The following ADGRD1 variants were observed in gnomAD, a reference collection of about 807,000 sequenced individuals.
The protein encoded by ADGRD1 is G-protein coupled receptor 133.
Under a neutral mutation model 113.4 loss-of-function variants are expected in ADGRD1, and 77 were observed. That is an observed-to-expected ratio of 0.68 (90% CI 0.57 to 0.82). The LOEUF (loss-of-function observed/expected upper bound fraction) is 0.82, where lower values mean the gene tolerates loss of function less well. ADGRD1 is among the 40% of genes least tolerant of loss of function. The probability of loss-of-function intolerance (pLI) is 0.00; values close to 1 mark genes in which losing one functional copy is unlikely to be tolerated. For missense variants in ADGRD1, 1,036 were observed against 1,139.1 expected, an observed-to-expected ratio of 0.91 and a Z score of 1.30; for synonymous variants, 474 against 475.0, an observed-to-expected ratio of 1.00 and a Z score of 0.03.
chr12:131,104,658 C>T (rs1950187965), intron 15 of ADGRD1, among the ~76,000 whole-genome samples, 173 bp from the exon 16 acceptor site: 7 of 152,112 alleles, frequency 4.6e-5, no homozygotes, highest in Admixed American at 4.6e-4. Context: ...GCTGCAACCC[C>T]AGCACCGGCC....
At chr12:131,031,531 G>A (rs1030639838) in intron 13 of ADGRD1, among the ~76,000 whole-genome samples, 2 of 152,108 alleles carry the variant, frequency 1.3e-5, no homozygotes, top group South Asian at 2.1e-4. Flanking sequence ...TGCGTTTGTC[G>A]GTGGTTTTCC....
At chr12:131,004,024 T>C (rs912784280) in intron 10 of ADGRD1, among the ~76,000 whole-genome samples, 162 bp from the exon 11 acceptor site, 22 of 67,928 alleles carry the variant, frequency 3.2e-4, no homozygotes, top group Non-Finnish European at 6.1e-4. Flanking sequence ...TGCTTTACCC[T>C]TTTTTTTTTT....
At chr12:131,070,681 G>T in intron 13 of ADGRD1, 1 of 386,208 alleles carries the variant, frequency 2.6e-6, no homozygotes, top group Admixed American at 2.8e-5. Context: ...AGGAAAGCTG[G>T]TTGCCACGGA....
chr12:131,058,038 C>A (rs370238455), intron 13 of ADGRD1, among the ~76,000 whole-genome samples: 1 of 152,338 alleles, frequency 6.6e-6, no homozygotes, highest in Non-Finnish European at 1.5e-5. Context: ...AAGCAGACAG[C>A]AACTTCCTAG....
rs1186828779 is a variant in ADGRD1, at chr12:131,098,601, G to A, written c.1672-6230G>A. On this transcript the variant is annotated intron_variant, in intron 15 of 24. Coordinates refer to ENST00000261654, the MANE Select transcript of ADGRD1 (RefSeq NM_198827.5). ...CAGTGGTGAGAAGCCAGCAGGACTC[G>A]GAGGTGGGTGCTCCAAGGGAGAGGG... is the stretch of plus-strand genomic sequence containing the variant. Among the ~76,000 whole-genome samples the A allele has an allele frequency of 2.6e-5, 4 of 152,116 alleles. No individual in the cohort carries two copies. The South Asian group carries it at 6.2e-4, about 24-fold the overall frequency.
intron 9 of ADGRD1, among the ~76,000 whole-genome samples, chr12:131,000,766 G>C (rs1409843175): frequency 9.0e-6 from 1 of 110,796 alleles, no homozygotes; most frequent in Non-Finnish European, 1.9e-5. Flanking sequence ...AAAAAAAAAA[G>C]AGAGAGAGAG....
At chr12:131,070,704 T>G (rs891202251) in intron 13 of ADGRD1, 15 of 437,754 alleles carry the variant, frequency 3.4e-5, no homozygotes, top group African/African-American at 3.0e-4. Flanking sequence ...TGAGGGCGTG[T>G]CCATCACTGC....
intron 13 of ADGRD1, among the ~76,000 whole-genome samples, chr12:131,073,406 C>T (rs1490607261): frequency 1.3e-5 from 2 of 152,246 alleles, no homozygotes; most frequent in Non-Finnish European, 2.9e-5. Context: ...GAGGGTGGCA[C>T]AGAGGGCTGC....
rs564565309 is a variant in ADGRD1, at chr12:131,104,236, G to C, written c.1672-595G>C. On this transcript the variant is annotated intron_variant, in intron 15 of 24. Coordinates refer to ENST00000261654, the MANE Select transcript of ADGRD1 (RefSeq NM_198827.5). ...GACTGGGAGGGTTGTGGCCTCAGGCGGGGGCGGTAGCCAGCTCTTCCCTAG... is the reference window on the plus strand; with the variant it reads ...GACTGGGAGGGTTGTGGCCTCAGGCCGGGGCGGTAGCCAGCTCTTCCCTAG... Among the ~76,000 whole-genome samples, 98 of 151,718 alleles carry C rather than the reference G, an allele frequency of 6.5e-4. 1 individual carries two copies. In the South Asian group the frequency reaches 0.02, roughly 31 times the overall value.
rs878937804 is a variant in ADGRD1 at position 131,138,009 on chromosome 12, C to T, written c.2437-128C>T. 69 of 722,898 alleles carry T rather than the reference C, an allele frequency of 9.5e-5. 1 individual carries two copies. The highest frequency in any genetic ancestry group is 8.9e-4 in the South Asian group (55 of 62,076). The allele number at this position is 722,898 out of a possible 1,614,324, so 44.8% of individuals were successfully genotyped here. A position where few individuals can be genotyped will look rare whatever the true frequency, so the allele number is the denominator to read the frequency against. ...AGCTCAGCTGTGGAGCCAGCAGCTC[C>T]GACTCATATTTCCAAATCCCAACCT... On this transcript the variant is annotated intron_variant, in intron 23 of 24. Coordinates refer to ENST00000261654, the MANE Select transcript of ADGRD1 (RefSeq NM_198827.5).
At chr12:131,040,446 T>C (rs1882003456) in intron 13 of ADGRD1, among the ~76,000 whole-genome samples, 1 of 152,254 alleles carries the variant, frequency 6.6e-6, no homozygotes, top group Admixed American at 6.5e-5. Flanking sequence ...CATAAAATCA[T>C]GTGTTTGGTA....
intron 5 of ADGRD1, chr12:130,986,724 C>T (rs891645288): frequency 1.3e-5 from 3 of 225,676 alleles, no homozygotes; most frequent in African/African-American, 2.2e-5. Context: ...ATCCTTGTCT[C>T]GCTCCTGACC....
intron 21 of ADGRD1, among the ~76,000 whole-genome samples, chr12:131,133,327 C>T (rs1417271499): frequency 6.6e-6 from 1 of 152,234 alleles, no homozygotes; most frequent in African/African-American, 2.4e-5. Context: ...CTGCCCCGCA[C>T]CTGTGCACCG....
At chr12:131,059,886 T>G (rs2398546) in intron 13 of ADGRD1, among the ~76,000 whole-genome samples, 133,198 of 152,130 alleles carry the variant, frequency 0.88, 58,822 homozygotes, top group East Asian at 1. Context: ...ATGTCTGTTG[T>G]TTTTCTTTTC....
At chr12:131,037,073 T>C (rs1356231560) in intron 13 of ADGRD1, among the ~76,000 whole-genome samples, 9 of 142,918 alleles carry the variant, frequency 6.3e-5, no homozygotes, top group Middle Eastern at 4.2e-3. Context: ...TCTCACTCAC[T>C]GCACCGGGTC....
In ADGRD1 at chr12:131,038,602, C is replaced by T. The variant is rs1319737323; in HGVS notation, c.1473+24262C>T. Among the ~76,000 whole-genome samples the T allele has an allele frequency of 3.9e-5, 6 of 152,342 alleles. No homozygotes were observed. In the East Asian group the frequency reaches 9.7e-4, roughly 25 times the overall value. Reference sequence around the variant, plus strand: ...CTGGGGCTCAGCCACTGGAGTGGCCCACAGTGTGGGGTAGGTGGACACTCA... The same window carrying T: ...CTGGGGCTCAGCCACTGGAGTGGCCTACAGTGTGGGGTAGGTGGACACTCA... On this transcript the variant is annotated intron_variant, in intron 13 of 24. Coordinates refer to ENST00000261654, the MANE Select transcript of ADGRD1 (RefSeq NM_198827.5).
At chr12:131,044,309 G>C (rs891286585) in intron 13 of ADGRD1, among the ~76,000 whole-genome samples, 1 of 152,194 alleles carries the variant, frequency 6.6e-6, no homozygotes, top group African/African-American at 2.4e-5. Context: ...CATCGGGGCC[G>C]AGGAGGCCAC....
intron 12 of ADGRD1, among the ~76,000 whole-genome samples, chr12:131,010,436 T>C (rs998493375): frequency 6.6e-6 from 1 of 152,238 alleles, no homozygotes; most frequent in Non-Finnish European, 1.5e-5. Context: ...TTGATAATTC[T>C]CCAAATAACC....
In ADGRD1 at chr12:131,138,139, G is replaced by A. The variant is rs762155034; in HGVS notation, c.2439G>A (p.Val813=). The A allele has an allele frequency of 2.9e-5, 47 of 1,613,244 alleles. No individual in the cohort carries two copies. The Middle Eastern group carries it at 6.6e-4, about 23-fold the overall frequency. Residue 813 remains valine, a splice_region_variant and synonymous_variant, in exon 24 of 25, where the codon GTG becomes GTA. Transcript: ENST00000261654. ...FLFHCLLNSE[V]RAAFKHKTKV... is the part of the protein sequence containing the mutation. ...ACGATCCCTTCCCCGCTTTCAAGGTGAGAGCCGCCTTCAAGCACAAAACCA... is the reference window on the plus strand; with the variant it reads ...ACGATCCCTTCCCCGCTTTCAAGGTAAGAGCCGCCTTCAAGCACAAAACCA...
Sources: gnomAD v4.1 joint callset for allele counts (sites outside exome capture counted in the v4.1 genomes callset) on GRCh38, gnomAD v4.1.1 for gene constraint, MANE v1.5 for transcripts, NCBI Gene and HGNC (gene_info 2026-07-23, HGNC 2026-07-21) for gene names.